ZNF215: variants seen among roughly 807,000 people sequenced by gnomAD.
ZNF215 encodes BWSCR2-associated zinc finger protein 2.
In ZNF215, 24 loss-of-function variants were observed where a neutral mutation model predicts 27.2. That is an observed-to-expected ratio of 0.88 (90% CI 0.64 to 1.24). The LOEUF (loss-of-function observed/expected upper bound fraction) is 1.24. Among genes scored for constraint, ZNF215 ranks in the 50% most tolerant of loss-of-function variants. The probability of loss-of-function intolerance (pLI) is 0.00; values close to 1 mark genes in which losing one functional copy is unlikely to be tolerated. For synonymous variants in ZNF215, 210 were observed against 204.0 expected, an observed-to-expected ratio of 1.03 and a Z score of -0.25; for missense variants, 675 against 605.7, an observed-to-expected ratio of 1.11 and a Z score of -1.20.
At chr11:6,961,761 C>G (rs2857895), downstream of ZNF215, among the ~76,000 whole-genome samples, 33,248 of 152,042 alleles carry the variant, frequency 0.22, 3,828 homozygotes, top group Non-Finnish European at 0.25. Flanking sequence ...ATCCAGGTGG[C>G]TCCACATATT....
At chr11:6,976,404 G>C (rs567086499) in intron 5 of ZNF215, among the ~76,000 whole-genome samples, 1 of 151,990 alleles carries the variant, frequency 6.6e-6, no homozygotes, top group Non-Finnish European at 1.5e-5. Flanking sequence ...GCACAGTAGA[G>C]GTTACCTGAG....
chr11:6,986,265 A>G (rs1376902409), downstream of ZNF215, among the ~76,000 whole-genome samples: 1 of 152,168 alleles, frequency 6.6e-6, no homozygotes, highest in East Asian at 1.9e-4. Context: ...ATCAACAACA[A>G]TAAGCAATGG....
chr11:6,937,787 G>C (rs987411638), intron 3 of ZNF215, among the ~76,000 whole-genome samples: 2 of 151,816 alleles, frequency 1.3e-5, no homozygotes, highest in Admixed American at 1.3e-4. Context: ...GGGACCCCTT[G>C]ATTTCCATAT....
intron 2 of ZNF215, among the ~76,000 whole-genome samples, chr11:6,928,287 A>C (rs935255685): frequency 6.6e-6 from 1 of 152,208 alleles, no homozygotes; most frequent in Non-Finnish European, 1.5e-5. Flanking sequence ...TATATCCACT[A>C]TACTATTACT....
intron 6 of ZNF215, among the ~76,000 whole-genome samples, chr11:6,948,742 T>C (rs547946370): frequency 7.2e-5 from 11 of 152,158 alleles, no homozygotes; most frequent in African/African-American, 2.7e-4. Flanking sequence ...TGAAATTTAA[T>C]TTTTTTATTT....
intron 5 of ZNF215, among the ~76,000 whole-genome samples, chr11:6,963,615 TTAAGA>T (rs572349713): frequency 7.2e-5 from 11 of 152,222 alleles, no homozygotes; most frequent in Admixed American, 6.6e-4. Flanking sequence ...ACAGTTTGTG[TTAAGA>T]TATGTTTTCA....
intron 5 of ZNF215, among the ~76,000 whole-genome samples, chr11:6,963,230 A>G (rs572640401): frequency 3.3e-5 from 5 of 151,820 alleles, no homozygotes; most frequent in East Asian, 1.9e-4. Flanking sequence ...TGTTCCCCCA[A>G]CCCCAGCCCT....
intron 2 of ZNF215, among the ~76,000 whole-genome samples, chr11:6,929,216 G>C (rs1311943629): frequency 6.6e-6 from 1 of 152,180 alleles, no homozygotes; most frequent in Non-Finnish European, 1.5e-5. Context: ...TGGGGAGCTT[G>C]CATTCACAGA....
intron 5 of ZNF215, among the ~76,000 whole-genome samples, chr11:6,972,357 T>G (rs1442910015): frequency 6.6e-6 from 1 of 151,816 alleles, no homozygotes; most frequent in Non-Finnish European, 1.5e-5. Flanking sequence ...CAGGCCAAAT[T>G]TGGCCCACAT....
chr11:6,956,607 A>G lies in ZNF215; in HGVS notation c.*76A>G. On this transcript the variant is annotated 3_prime_UTR_variant, in exon 7 of 7. Transcript: ENST00000278319. ...ACATCATGAATTTATGCTGGATAAA[A>G]TCTCATGAATATAATGTAAGAAAAC... 6.8e-7 allele frequency: 1 copy of G among 1,466,286 alleles called. No individual in the cohort carries two copies. Among genetic ancestry groups the G allele is most frequent in the Non-Finnish European group, 9.0e-7 (1 of 1,116,146 alleles). The allele number at this position is 1,466,286 out of a possible 1,614,324, so 90.8% of individuals were successfully genotyped here. A position where few individuals can be genotyped will look rare whatever the true frequency, so the allele number is the denominator to read the frequency against.
At chr11:6,940,358 G>A (rs1849592700) in intron 3 of ZNF215, among the ~76,000 whole-genome samples, 1 of 152,236 alleles carries the variant, frequency 6.6e-6, no homozygotes, top group Non-Finnish European at 1.5e-5. Context: ...GGGCTGGAGT[G>A]TGGTGGTGCG....
chr11:6,946,803 C>G (rs1849830253), intron 6 of ZNF215, among the ~76,000 whole-genome samples: 1 of 152,088 alleles, frequency 6.6e-6, no homozygotes, highest in Non-Finnish European at 1.5e-5. Context: ...CATAATGTTT[C>G]TTTTTACCCT....
downstream of ZNF215, among the ~76,000 whole-genome samples, chr11:6,962,934 G>A (rs1850545678): frequency 1.3e-5 from 2 of 152,002 alleles, no homozygotes. Flanking sequence ...CCTGTGTCAT[G>A]TTGTGTGTCA....
chr11:6,967,820 T>C (rs768395624), intron 5 of ZNF215, among the ~76,000 whole-genome samples: 2 of 152,246 alleles, frequency 1.3e-5, no homozygotes, highest in Non-Finnish European at 2.9e-5. Context: ...ATTTTGGCTT[T>C]TGTTGCCATT....
rs1014476514 is a variant in ZNF215 at position 6,949,357 on chromosome 11, T to C, written c.712+5716T>C. 4.0e-3 allele frequency among the ~76,000 whole-genome samples: 606 copies of C among 152,266 alleles called. 8 individuals carry two copies. Among genetic ancestry groups the C allele is most frequent in the African/African-American group, 0.014 (576 of 41,548 alleles). On this transcript the variant is annotated intron_variant, in intron 6 of 6. Transcript: ENST00000278319. ...CCACAATGGTTGAACTAGTTTACAG[T>C]CCCACCAACAGTATAAAAGTGTTCC...
At chr11:6,984,970 T>C (rs1851031245), downstream of ZNF215, among the ~76,000 whole-genome samples, 2 of 152,232 alleles carry the variant, frequency 1.3e-5, no homozygotes, top group East Asian at 1.9e-4. Flanking sequence ...CCACCAGATA[T>C]ACAAAGAAGA....
chr11:6,968,359 T>C (rs1850664692), intron 5 of ZNF215, among the ~76,000 whole-genome samples: 1 of 152,186 alleles, frequency 6.6e-6, no homozygotes, highest in South Asian at 2.1e-4. Context: ...GCACTGAATA[T>C]ATAAATTACG....
intron 4 of ZNF215, among the ~76,000 whole-genome samples, chr11:6,942,725 ACT>A (rs1360218712): frequency 1.3e-5 from 2 of 151,836 alleles, no homozygotes; most frequent in Non-Finnish European, 2.9e-5. Context: ...ACTACCACAA[ACT>A]CTTGCTGTTT....
chr11:6,948,388 G>T (rs1343186758), intron 6 of ZNF215, among the ~76,000 whole-genome samples: 1 of 152,178 alleles, frequency 6.6e-6, no homozygotes, highest in African/African-American at 2.4e-5. Context: ...GTGTACACTG[G>T]TGAGGCGGAG....
Sources: gnomAD v4.1 joint callset for allele counts (sites outside exome capture counted in the v4.1 genomes callset) on GRCh38, gnomAD v4.1.1 for gene constraint, MANE v1.5 for transcripts, NCBI Gene and HGNC (gene_info 2026-07-23, HGNC 2026-07-21) for gene names.